Variants in ZFP91 observed in about 807,000 individuals in gnomAD.
ZFP91 encodes ZFP91 zinc finger protein, atypical E3 ubiquitin ligase.
Under a neutral mutation model 63.5 loss-of-function variants are expected in ZFP91, and 7 were observed. The ratio of observed to expected loss-of-function variants is 0.11; its 90% CI spans 0.06 to 0.21. The LOEUF is 0.21. Ranked by LOEUF, ZFP91 falls within the 10% of genes least tolerant of loss-of-function variation. The pLI is 1.00. For synonymous variants in ZFP91, 330 were observed against 272.1 expected (o/e 1.21, Z -2.10); for missense variants, 628 against 736.6 (o/e 0.85, Z 1.71).
intron 2 of ZFP91, among the ~76,000 whole-genome samples, chr11:58,593,014 A>G (rs953202554): frequency 6.6e-6 from 1 of 152,146 alleles, no homozygotes; most frequent in African/African-American, 2.4e-5. Flanking sequence ...ATGAAGCAAT[A>G]GAGAACTCAC....
chr11:58,618,132 C>G lies in ZFP91; in HGVS notation c.*426C>G, dbSNP rs1380720538. 1 of 158,320 alleles carries G rather than the reference C, an allele frequency of 6.3e-6. No individual in the cohort carries two copies. Among genetic ancestry groups the G allele is most frequent in the Non-Finnish European group, 1.4e-5 (1 of 72,320 alleles). The allele number at this position is 158,320 out of a possible 1,614,324, so 9.8% of individuals were successfully genotyped here. A position where few individuals can be genotyped will look rare whatever the true frequency, so the allele number is the denominator to read the frequency against. On this transcript the variant is annotated 3_prime_UTR_variant, in exon 11 of 11. Coordinates refer to ENST00000316059, the MANE Select transcript of ZFP91 (RefSeq NM_053023.5). ...CCTCCTCTACTGCTGCCCTATGGTT[C>G]TGGCTCCTACCCCCTGCGGCACACT... is the stretch of plus-strand genomic sequence containing the variant.
chr11:58,599,205 GT>G (rs1855454906), intron 2 of ZFP91, among the ~76,000 whole-genome samples: 1 of 151,646 alleles, frequency 6.6e-6, no homozygotes, highest in Non-Finnish European at 1.5e-5. Flanking sequence ...CCATTCACTG[GT>G]TAATGGATAT....
chr11:58,579,672 G>C (rs1238373704), intron 1 of ZFP91, 50 bp downstream of exon 1: 2 of 1,464,884 alleles, frequency 1.4e-6, no homozygotes, highest in Non-Finnish European at 1.8e-6. Flanking sequence ...CTGTCCGTAC[G>C]CAACCCTCTC....
intron 2 of ZFP91, among the ~76,000 whole-genome samples, chr11:58,604,812 T>G (rs1291577240): frequency 6.6e-6 from 1 of 152,226 alleles, no homozygotes; most frequent in African/African-American, 2.4e-5. Context: ...CTCCTTCCAG[T>G]GTGGCCCAGG....
chr11:58,616,619 C>T lies in ZFP91; in HGVS notation c.1103-97C>T, dbSNP rs1020006793. 4 of 881,000 alleles carry T rather than the reference C, an allele frequency of 4.5e-6. No individual in the cohort carries two copies. The South Asian group carries it at 6.8e-5, about 15-fold the overall frequency. The allele number at this position is 881,000 out of a possible 1,614,324, so 54.6% of individuals were successfully genotyped here. A position where few individuals can be genotyped will look rare whatever the true frequency, so the allele number is the denominator to read the frequency against. ...TACATTGAAAACAGCATTGCTTTTA[C>T]TCTAAATTGCCTGCCCCATCATCTG... On this transcript the variant is annotated intron_variant, in intron 9 of 10. Transcript: ENST00000316059.
chr11:58,611,338 A>G (rs1855658879), intron 5 of ZFP91: 1 of 494,194 alleles, frequency 2.0e-6, no homozygotes, highest in South Asian at 4.5e-5. Flanking sequence ...GAATTTTTTA[A>G]CTAATTGTCT....
chr11:58,614,671 G>A (rs889599013), intron 9 of ZFP91, among the ~76,000 whole-genome samples: 1 of 152,020 alleles, frequency 6.6e-6, no homozygotes, highest in Non-Finnish European at 1.5e-5. Flanking sequence ...TGTTTATATT[G>A]ATCTTATTTT....
intron 2 of ZFP91, among the ~76,000 whole-genome samples, chr11:58,597,286 A>C (rs1176761350): frequency 6.6e-6 from 1 of 152,192 alleles, no homozygotes; most frequent in African/African-American, 2.4e-5. Context: ...AAAACAGTGG[A>C]GTTAGCCTAT....
chr11:58,587,230 T>G (rs1239108504), intron 2 of ZFP91, among the ~76,000 whole-genome samples: 2 of 152,232 alleles, frequency 1.3e-5, no homozygotes, highest in Non-Finnish European at 1.5e-5. Flanking sequence ...GGAAAGCTAC[T>G]ATGCTAAAAT....
intron 6 of ZFP91, 89 bp downstream of exon 6, chr11:58,611,827 G>A (rs958932824): frequency 1.3e-5 from 18 of 1,414,380 alleles, no homozygotes; most frequent in Middle Eastern, 2.6e-4. Flanking sequence ...GGATGTTGAC[G>A]TATACATGCT....
rs1020861248 is a variant in ZFP91 at position 58,610,860 on chromosome 11, T to G, written c.618-90T>G. The G allele has an allele frequency of 7.7e-6, 9 of 1,166,172 alleles. No homozygotes were observed. In the African/African-American group the frequency reaches 1.2e-4, roughly 16 times the overall value. The allele number at this position is 1,166,172 out of a possible 1,614,324, so 72.2% of individuals were successfully genotyped here. A position where few individuals can be genotyped will look rare whatever the true frequency, so the allele number is the denominator to read the frequency against. On this transcript the variant is annotated intron_variant, in intron 4 of 10. Coordinates refer to ENST00000316059, the MANE Select transcript of ZFP91 (RefSeq NM_053023.5). ...AAATGCTAGATGACTTTATCAGTGTTTGGCTACCTCTTAAAAAATTACCAA... is the reference window on the plus strand; with the variant it reads ...AAATGCTAGATGACTTTATCAGTGTGTGGCTACCTCTTAAAAAATTACCAA...
Position 58,579,263 on chromosome 11 carries a change from G to C in ZFP91, c.-19G>C, listed in dbSNP as rs532091705. Reference sequence around the variant, plus strand: ...CCTCCGCCGCCTAGGACTAGGGGGTGGGGGACGGACAAGCCCCGATGCCGG... The same window carrying C: ...CCTCCGCCGCCTAGGACTAGGGGGTCGGGGACGGACAAGCCCCGATGCCGG... On this transcript the variant is annotated 5_prime_UTR_variant, in exon 1 of 11. Transcript: ENST00000316059. The C allele has an allele frequency of 7.1e-7, 1 of 1,416,836 alleles. No individual in the cohort carries two copies. Among genetic ancestry groups the C allele is most frequent in the Admixed American group, 3.4e-5 (1 of 29,836 alleles). The allele number at this position is 1,416,836 out of a possible 1,614,324, so 87.8% of individuals were successfully genotyped here. A position where few individuals can be genotyped will look rare whatever the true frequency, so the allele number is the denominator to read the frequency against.
At chr11:58,611,360 A>T (rs1855659456) in intron 5 of ZFP91, 1 of 519,128 alleles carries the variant, frequency 1.9e-6, no homozygotes, top group Non-Finnish European at 3.3e-6. Flanking sequence ...GTTTCTCTTT[A>T]CAATTATAGT....
chr11:58,596,373 T>C (rs2134402469), intron 2 of ZFP91, among the ~76,000 whole-genome samples: 1 of 152,320 alleles, frequency 6.6e-6, no homozygotes, highest in East Asian at 1.9e-4. Context: ...TCTTTTTTGC[T>C]TTTTCGTTTC....
At position 58,612,478 on chromosome 11, in the gene ZFP91, AT is replaced by A. The variant is rs531559722; in HGVS notation, c.908+151del. 1.1e-4 allele frequency: 81 copies of A among 712,504 alleles called. No individual in the cohort carries two copies. The African/African-American group carries it at 1.3e-3, about 12-fold the overall frequency. 44.1% of individuals were successfully genotyped at this position (712,504 alleles called of 1,614,324 possible). On this transcript the variant is annotated intron_variant, in intron 7 of 10. Transcript: ENST00000316059. ...CTAATGTCCTAGATGCACAGGTGTT[AT>A]GATCTTATTTTCATTGTAAGAGCTT... is the stretch of plus-strand genomic sequence containing the variant.
At chr11:58,585,413 T>A (rs1855189552) in intron 2 of ZFP91, among the ~76,000 whole-genome samples, 1 of 152,212 alleles carries the variant, frequency 6.6e-6, no homozygotes, top group Admixed American at 6.5e-5. Flanking sequence ...TAAAATACTT[T>A]ATTCTGGCTT....
intron 1 of ZFP91, among the ~76,000 whole-genome samples, chr11:58,580,865 A>C (rs1316843544): frequency 6.6e-6 from 1 of 152,266 alleles, no homozygotes; most frequent in African/African-American, 2.4e-5. Flanking sequence ...TTACAGATTC[A>C]GCTGCAATTA....
At position 58,610,979 on chromosome 11, in the gene ZFP91, A is replaced by T; in HGVS notation, c.647A>T (p.Glu216Val). The T allele has an allele frequency of 6.2e-7, 1 of 1,612,932 alleles. No individual in the cohort carries two copies. The highest frequency in any genetic ancestry group is 8.5e-7 in the Non-Finnish European group (1 of 1,179,644). ...SSEEEEEEEE[E>V]MLISEEEIPF... ...GAAGAGGAAGAGGAGGAGGAAGAAG[A>T]GATGTTAATCAGTGAAGAGGAGATA... Residue 216 changes from glutamate to valine, a missense_variant, in exon 5 of 11, where the codon GAG becomes GTG. Glu to Val is a moderately radical substitution (Grantham distance 121). Around this residue, in one of 3 missense-constraint regions of ZFP91, gnomAD observed 437 missense variants for 380.3 expected, o/e 1.15. Coordinates refer to ENST00000316059, the MANE Select transcript of ZFP91 (RefSeq NM_053023.5).
At chr11:58,589,247 G>T (rs955344352) in intron 2 of ZFP91, among the ~76,000 whole-genome samples, 9 of 151,920 alleles carry the variant, frequency 5.9e-5, no homozygotes, top group East Asian at 1.9e-4. Flanking sequence ...AATTGTTTTT[G>T]ATTTTTTTGT....
Sources: allele counts gnomAD v4.1 joint callset (sites outside exome capture counted in the v4.1 genomes callset), GRCh38; gene constraint gnomAD v4.1.1; regional missense constraint gnomAD v4.1.1; transcripts MANE v1.5; gene names NCBI Gene and HGNC (gene_info 2026-07-23, HGNC 2026-07-21).